The following VSTM4 variants were observed in gnomAD, a reference collection of about 807,000 sequenced individuals.
VSTM4 encodes the protein V-set and transmembrane domain-containing protein 4.
Under a neutral mutation model 36.4 loss-of-function variants are expected in VSTM4, and 20 were observed. The ratio of observed to expected loss-of-function variants is 0.55; its 90% confidence interval spans 0.39 to 0.80. The LOEUF is 0.80. Ranked by LOEUF, VSTM4 falls within the 30% of genes least tolerant of loss-of-function variation. The pLI, the probability that VSTM4 is intolerant of heterozygous loss-of-function variation, is 0.00. For missense variants in VSTM4, 392 were observed against 404.5 expected (o/e 0.97, Z 0.26); for synonymous variants, 182 against 173.9 (o/e 1.05, Z -0.37).
chr10:49,105,336 G>A (rs983177928), intron 2 of VSTM4, among the ~76,000 whole-genome samples: 6 of 132,770 alleles, frequency 4.5e-5, no homozygotes, highest in African/African-American at 1.9e-4. Flanking sequence ...AGACGGGGGG[G>A]GGAGAGACAG....
chr10:49,048,330 G>T, intron 6 of VSTM4, 148 bp downstream of exon 6: 1 of 685,450 alleles, frequency 1.5e-6, no homozygotes, highest in Non-Finnish European at 2.2e-6. Flanking sequence ...CCAGAATCTA[G>T]GTGGGGGTCC....
chr10:49,064,869 T>C, intron 4 of VSTM4, 133 bp from the exon 5 acceptor site: 1 of 875,106 alleles, frequency 1.1e-6, no homozygotes, highest in East Asian at 2.5e-5. Flanking sequence ...CTCTCAAGAC[T>C]TGCATTCTTC....
intron 7 of VSTM4, among the ~76,000 whole-genome samples, chr10:49,022,072 A>G (rs1485487178): frequency 6.6e-6 from 1 of 152,070 alleles, no homozygotes; most frequent in African/African-American, 2.4e-5. Context: ...CACTGTGTAC[A>G]TTTGTTGTTA....
rs1266345936 is a variant in VSTM4, at chr10:49,017,156, G to A, written c.*2494C>T. 1 of 152,200 alleles carries A rather than the reference G, an allele frequency of 6.6e-6. No individual in the cohort carries two copies. Among genetic ancestry groups the A allele is most frequent in the African/African-American group, 2.4e-5 (1 of 41,458 alleles). 9.4% of individuals were successfully genotyped at this position (152,200 alleles called of 1,614,324 possible). The stretch of plus-strand genomic sequence containing the variant: ...CTTATCTTTGGAAATGACAATGCAT[G>A]ATTAGTGGTCCATGGACAAAGAATG... On this transcript the variant is annotated 3_prime_UTR_variant, in exon 8 of 8. Coordinates refer to ENST00000332853, the MANE Select transcript of VSTM4 (RefSeq NM_001031746.5).
At chr10:49,102,011 A>G (rs1291120129) in intron 2 of VSTM4, among the ~76,000 whole-genome samples, 1 of 152,178 alleles carries the variant, frequency 6.6e-6, no homozygotes, top group Non-Finnish European at 1.5e-5. Context: ...ATGAATGTCA[A>G]TAGGAAAGAG....
intron 2 of VSTM4, chr10:49,102,528 A>G: frequency 5.1e-6 from 5 of 985,486 alleles, no homozygotes; most frequent in Non-Finnish European, 6.0e-6. Context: ...CTACAGTGCT[A>G]AAAACAGAAG....
At chr10:49,097,962 G>C (rs754193737) in intron 2 of VSTM4, among the ~76,000 whole-genome samples, 1 of 152,188 alleles carries the variant, frequency 6.6e-6, no homozygotes, top group Non-Finnish European at 1.5e-5. Context: ...CAAGAACCAA[G>C]AGTATTTGGG....
intron 2 of VSTM4, among the ~76,000 whole-genome samples, chr10:49,096,574 C>A (rs1262410737): frequency 6.7e-6 from 1 of 148,188 alleles, no homozygotes; most frequent in Non-Finnish European, 1.5e-5. Context: ...GGTTAGACTG[C>A]TTCTGAATCT....
chr10:49,107,643 C>A lies in VSTM4; in HGVS notation c.408G>T (p.Arg136Ser). 6.2e-7 allele frequency: 1 copy of A among 1,613,934 alleles called. No homozygotes were observed. Among genetic ancestry groups the A allele is most frequent in the Non-Finnish European group, 8.5e-7 (1 of 1,179,792 alleles). ...CATTGGACCAGGCCGTCCACTTGTTCCTGTGCCTGCTGATTTCCTGGACTC... is the reference window on the plus strand; with the variant it reads ...CATTGGACCAGGCCGTCCACTTGTTACTGTGCCTGCTGATTTCCTGGACTC... ...VCRVQEISRH[R>S]NKWTAWSNGS... Residue 136 changes from arginine to serine, a missense_variant, in exon 2 of 8, where the codon AGG (arginine) becomes AGT (serine). Physicochemically the swap from Arg to Ser is moderately radical, Grantham distance 110. Coordinates refer to ENST00000332853, the MANE Select transcript of VSTM4 (RefSeq NM_001031746.5).
In VSTM4 at chr10:49,036,437, G is replaced by T. The variant is rs572010770; in HGVS notation, c.837+10546C>A. ...TTTCTTCTTTTTAATTTTAAATCGAGATTATGAACATATTTTATGCAGGTT... is the reference window on the plus strand; with the variant it reads ...TTTCTTCTTTTTAATTTTAAATCGATATTATGAACATATTTTATGCAGGTT... On this transcript the variant is annotated intron_variant, in intron 7 of 7. Coordinates refer to ENST00000332853, the MANE Select transcript of VSTM4 (RefSeq NM_001031746.5). Among the ~76,000 whole-genome samples the T allele has an allele frequency of 9.6e-4, 146 of 152,208 alleles. 7 individuals are homozygous for T. In the South Asian group the frequency reaches 0.029, roughly 30 times the overall value.
At chr10:49,113,391 C>T (rs749620097) in intron 1 of VSTM4, among the ~76,000 whole-genome samples, 2 of 152,204 alleles carry the variant, frequency 1.3e-5, no homozygotes, top group Non-Finnish European at 2.9e-5. Flanking sequence ...AAAAATATCA[C>T]CTTGCCCAAT....
chr10:49,082,942 G>A (rs1206355690), intron 3 of VSTM4, among the ~76,000 whole-genome samples: 1 of 152,190 alleles, frequency 6.6e-6, no homozygotes, highest in Non-Finnish European at 1.5e-5. Context: ...ATGTCAGCAT[G>A]CCAGCTCCCG....
intron 2 of VSTM4, among the ~76,000 whole-genome samples, chr10:49,091,588 A>G (rs4838364): frequency 0.12 from 18,421 of 152,092 alleles, 1,747 homozygotes; most frequent in African/African-American, 0.26. Flanking sequence ...TGGAAAGAAC[A>G]CCCTGCCAAC....
In VSTM4 at chr10:49,019,515, A is replaced by G. The variant is rs374146022; in HGVS notation, c.*135T>C. On this transcript the variant is annotated 3_prime_UTR_variant, in exon 8 of 8. Coordinates refer to ENST00000332853, the MANE Select transcript of VSTM4 (RefSeq NM_001031746.5). ...GGCTTGTACCTCTTCAAAGGCACCC[A>G]GAATGCTGCTGAAAAGGGGCTCCCC... is the stretch of plus-strand genomic sequence containing the variant. 57 of 1,312,784 alleles carry G rather than the reference A, an allele frequency of 4.3e-5. 1 individual carries two copies. In the African/African-American group the frequency reaches 7.1e-4, roughly 16 times the overall value. 81.3% of individuals were successfully genotyped at this position (1,312,784 alleles called of 1,614,324 possible). A position where few individuals can be genotyped will look rare whatever the true frequency, so the allele number is the denominator to read the frequency against.
At chr10:49,095,044 A>G (rs111901211) in intron 2 of VSTM4, among the ~76,000 whole-genome samples, 1 of 152,172 alleles carries the variant, frequency 6.6e-6, no homozygotes, top group Admixed American at 6.5e-5. Context: ...GTCCAAGACA[A>G]ATTCCAGCAA....
chr10:49,115,301 G>T, intron 1 of VSTM4, 130 bp downstream of exon 1: 1 of 576,684 alleles, frequency 1.7e-6, no homozygotes, highest in Non-Finnish European at 2.2e-6. Flanking sequence ...GCTGGCGACA[G>T]TGACAGCGCC....
chr10:49,073,949 T>G (rs549197650), intron 4 of VSTM4, among the ~76,000 whole-genome samples: 1 of 152,200 alleles, frequency 6.6e-6, no homozygotes, highest in Non-Finnish European at 1.5e-5. Context: ...TGAAGAGTGT[T>G]TTCTTTCATT....
chr10:49,115,388 G>C, intron 1 of VSTM4, 43 bp downstream of exon 1: 1 of 999,092 alleles, frequency 1.0e-6, no homozygotes, highest in Non-Finnish European at 1.2e-6. Context: ...GCGGCCGCCC[G>C]GCCCCCACCC....
At chr10:49,077,069 C>A (rs1460749761) in intron 4 of VSTM4, 150 bp downstream of exon 4, 4 of 732,914 alleles carry the variant, frequency 5.5e-6, no homozygotes, top group Non-Finnish European at 9.3e-6. Flanking sequence ...AAGGGAAACA[C>A]AGCTTGCTCA....
Sources: gnomAD v4.1 joint callset for allele counts (sites outside exome capture counted in the v4.1 genomes callset) on GRCh38, gnomAD v4.1.1 for gene constraint, MANE v1.5 for transcripts, NCBI Gene and HGNC (gene_info 2026-07-23, HGNC 2026-07-21) for gene names.